The following KATNIP variants were observed in gnomAD, a reference collection of about 807,000 sequenced individuals.
KATNIP encodes katanin-interacting protein.
Under a neutral mutation model 174.0 loss-of-function variants are expected in KATNIP, and 126 were observed. The ratio of observed to expected loss-of-function variants is 0.72; its 90% CI spans 0.63 to 0.84. KATNIP has a LOEUF of 0.84. Ranked by LOEUF, KATNIP falls within the 40% of genes least tolerant of loss-of-function variation. The pLI is 0.00. For missense variants in KATNIP, 1,958 were observed against 2,109.7 expected (o/e 0.93, Z 1.41); for synonymous variants, 810 against 835.7 (o/e 0.97, Z 0.53).
chr16:27,564,429 G>T (rs754666311), intron 1 of KATNIP, among the ~76,000 whole-genome samples: 1 of 152,100 alleles, frequency 6.6e-6, no homozygotes, highest in Non-Finnish European at 1.5e-5. Flanking sequence ...GAAGCTCCCA[G>T]AAGAACACAT....
Position 27,777,040 on chromosome 16 carries a change from A to T in KATNIP, c.4551+11A>T. ...GTGAAGGAGTTTGGCGTAAGTACTT[A>T]TTAGCTGAGTTTTTTGAGATAATTA... On this transcript the variant is annotated intron_variant, in intron 25 of 27. Transcript: ENST00000261588. This position sits in a 1 kb window ranked among gnomAD's most constrained non-coding sequence, Gnocchi z 4.4. 6.5e-7 allele frequency: 1 copy of T among 1,547,914 alleles called. No homozygotes were observed.
chr16:27,757,071 T>A (rs2081761192), intron 18 of KATNIP, among the ~76,000 whole-genome samples: 1 of 152,214 alleles, frequency 6.6e-6, no homozygotes, highest in Non-Finnish European at 1.5e-5. Flanking sequence ...CTCTTTTTTG[T>A]TATTTTCTTT....
Position 27,708,792 on chromosome 16 carries a change from G to A in KATNIP, c.1477G>A (p.Val493Met), listed in dbSNP as rs1471630359. ...ILSNWGNSWW[V>M]GLTEVEFFDL... ...GTCCAACTGGGGCAACTCGTGGTGGGTGGGTCTCACAGAAGTCGAGTTCTT... is the reference window on the plus strand; with the variant it reads ...GTCCAACTGGGGCAACTCGTGGTGGATGGGTCTCACAGAAGTCGAGTTCTT... The change falls in exon 13 of 28, where the codon GTG (valine) becomes ATG (methionine). Residue 493 changes from valine (V) to methionine (M), a missense_variant. Transcript: ENST00000261588. The A allele has an allele frequency of 6.2e-7, 1 of 1,614,016 alleles. No individual in the cohort carries two copies. Among genetic ancestry groups the A allele is most frequent in the Admixed American group, 1.7e-5 (1 of 59,960 alleles).
intron 2 of KATNIP, among the ~76,000 whole-genome samples, chr16:27,616,790 C>T (rs1215262510): frequency 1.4e-5 from 2 of 142,918 alleles, no homozygotes; most frequent in Non-Finnish European, 3.0e-5. Context: ...TGGCTCATGC[C>T]TGTAATCCCA....
At chr16:27,566,617 C>A (rs1043936897) in intron 1 of KATNIP, among the ~76,000 whole-genome samples, 1 of 152,018 alleles carries the variant, frequency 6.6e-6, no homozygotes, top group African/African-American at 2.4e-5. Flanking sequence ...ACTGGAAGAA[C>A]GGTGTGCAGG....
chr16:27,761,485 G>T lies in KATNIP; in HGVS notation c.3704G>T (p.Gly1235Val), dbSNP rs1327047202. The change falls in exon 19 of 28, where the codon GGC (glycine) becomes GTC (valine). Residue 1235 changes from glycine (G) to valine (V), a missense_variant. Around this residue, in one of 3 missense-constraint regions of KATNIP, gnomAD observed 1,557 missense variants for 1,617.8 expected, o/e 0.96. Transcript: ENST00000261588. ...YLGLTGLEVV[G>V]KEGQALPIHL... ...GGGCTCACTGGCCTGGAAGTGGTGG[G>T]CAAGGAGGGCCAGGCGCTGCCCATC... The T allele has an allele frequency of 6.2e-7, 1 of 1,614,120 alleles. No individual in the cohort carries two copies. Among genetic ancestry groups the T allele is most frequent in the South Asian group, 1.1e-5 (1 of 91,078 alleles).
intron 1 of KATNIP, among the ~76,000 whole-genome samples, chr16:27,560,385 G>A (rs985380020): frequency 4.6e-5 from 7 of 151,338 alleles, no homozygotes; most frequent in African/African-American, 1.2e-4. Flanking sequence ...TTCTTGTCAC[G>A]TAGCTCTGGT....
rs745911347 is a variant in KATNIP at position 27,721,514 on chromosome 16, G to A, written c.1606-44G>A. 3 of 1,612,764 alleles carry A rather than the reference G, an allele frequency of 1.9e-6. No individual in the cohort carries two copies. In the East Asian group the frequency reaches 6.7e-5, roughly 36 times the overall value. On this transcript the variant is annotated intron_variant, in intron 13 of 27. Transcript: ENST00000261588. ...CGCTGCCATTTTACTTTGGGGAGAG[G>A]CAGAAATGTGCCTAATGATTTCCTT...
At chr16:27,621,681 C>T (rs573987525) in intron 3 of KATNIP, among the ~76,000 whole-genome samples, 9 of 151,450 alleles carry the variant, frequency 5.9e-5, no homozygotes, top group East Asian at 2.0e-4. Context: ...AGCATGGTGC[C>T]GCCATCTGCT....
At chr16:27,629,165 CAA>C (rs1169255800) in intron 4 of KATNIP, among the ~76,000 whole-genome samples, 13 of 63,966 alleles carry the variant, frequency 2.0e-4, no homozygotes, top group Admixed American at 3.7e-4. Context: ...GAGACTCTGT[CAA>C]AAAAAAAAAA....
intron 7 of KATNIP, among the ~76,000 whole-genome samples, chr16:27,679,405 A>C (rs1321077539): frequency 6.6e-6 from 1 of 152,064 alleles, no homozygotes; most frequent in East Asian, 1.9e-4. Context: ...TTACCTCTTT[A>C]AAGACCTTGT....
chr16:27,622,583 G>T (rs367673879), intron 3 of KATNIP, among the ~76,000 whole-genome samples: 1 of 152,174 alleles, frequency 6.6e-6, no homozygotes, highest in Middle Eastern at 3.2e-3. Flanking sequence ...ACTGCAGGGG[G>T]TAGACCCAGA....
At chr16:27,590,332 C>T (rs2075125064) in intron 2 of KATNIP, among the ~76,000 whole-genome samples, 2 of 150,588 alleles carry the variant, frequency 1.3e-5, no homozygotes. Flanking sequence ...CTTTTTCTTT[C>T]TTTCTTTCTT....
chr16:27,722,785 C>A (rs2080293992), intron 14 of KATNIP, among the ~76,000 whole-genome samples: 1 of 152,220 alleles, frequency 6.6e-6, no homozygotes, highest in Admixed American at 6.5e-5. Flanking sequence ...TGTAGAATAC[C>A]AGCCAGTTCT....
rs2082502972 is a variant in KATNIP, at chr16:27,776,498, A to T, written c.4450-430A>T. Among the ~76,000 whole-genome samples, 1 of 152,036 alleles carries T rather than the reference A, an allele frequency of 6.6e-6. No individual in the cohort carries two copies. Among genetic ancestry groups the T allele is most frequent in the Admixed American group, 6.6e-5 (1 of 15,264 alleles). ...CAGCAGCACCTTGGCGTTGCTTCTC[A>T]GTGATGGTTTGGGGAAAGGACAGAC... On this transcript the variant is annotated intron_variant, in intron 24 of 27. Coordinates refer to ENST00000261588, the MANE Select transcript of KATNIP (RefSeq NM_015202.5). The surrounding 1 kb of genome is among the most constrained non-coding windows in gnomAD (Gnocchi z 4.7).
At position 27,749,918 on chromosome 16, in the gene KATNIP, G is replaced by A. The variant is rs1288837768; in HGVS notation, c.2958G>A (p.Gly986=). Residue 986 remains glycine (G), a synonymous_variant, in exon 16 of 28, where the codon GGG becomes GGA. Transcript: ENST00000261588. ...RLVIDIKSTW[G]DRHYVGLNGI... is the part of the protein sequence containing the mutation. ...TCATTGACATCAAGTCTACCTGGGGGGACAGACACTATGTCGGCCTCAACG... is the reference window on the plus strand; with the variant it reads ...TCATTGACATCAAGTCTACCTGGGGAGACAGACACTATGTCGGCCTCAACG... 6 of 1,614,008 alleles carry A rather than the reference G, an allele frequency of 3.7e-6. No homozygotes were observed. Among genetic ancestry groups the A allele is most frequent in the Non-Finnish European group, 5.1e-6 (6 of 1,180,024 alleles).
At chr16:27,665,556 C>G (rs942306026) in intron 6 of KATNIP, among the ~76,000 whole-genome samples, 1 of 151,908 alleles carries the variant, frequency 6.6e-6, no homozygotes, top group African/African-American at 2.4e-5. Context: ...TCAGGTATTT[C>G]TTCATAGCAG....
At chr16:27,607,594 CTTTT>C (rs33954778) in intron 2 of KATNIP, among the ~76,000 whole-genome samples, 11 of 78,884 alleles carry the variant, frequency 1.4e-4, no homozygotes, top group African/African-American at 5.7e-4. Context: ...CAGTCAGTGT[CTTTT>C]TTTTTTTTTT....
At chr16:27,717,641 G>A (rs1371792424) in intron 13 of KATNIP, among the ~76,000 whole-genome samples, 2 of 152,208 alleles carry the variant, frequency 1.3e-5, no homozygotes, top group African/African-American at 4.8e-5. Flanking sequence ...GTGTTTGTTG[G>A]GCAAGTTATG....
Sources: allele counts gnomAD v4.1 joint callset (sites outside exome capture counted in the v4.1 genomes callset), GRCh38; gene constraint gnomAD v4.1.1; regional missense constraint gnomAD v4.1.1; non-coding constraint Gnocchi (gnomAD v3.1); transcripts MANE v1.5; gene names NCBI Gene and HGNC (gene_info 2026-07-23, HGNC 2026-07-21).